RNFT2: variants seen among roughly 807,000 people sequenced by gnomAD.
RNFT2 encodes the protein ring finger protein, transmembrane 2.
RNFT2 carries 36 observed loss-of-function variants against 53.0 expected under a neutral mutation model. The observed-to-expected ratio is 0.68, with a 90% CI of 0.52 to 0.90. The LOEUF is 0.90. Ranked by LOEUF, RNFT2 falls within the 40% of genes least tolerant of loss-of-function variation. The pLI, the probability that RNFT2 is intolerant of heterozygous loss-of-function variation, is 0.00. For missense variants in RNFT2, 514 were observed against 585.6 expected, an observed-to-expected ratio of 0.88 and a Z score of 1.26; for synonymous variants, 260 against 253.2, an observed-to-expected ratio of 1.03 and a Z score of -0.26.
intron 7 of RNFT2, among the ~76,000 whole-genome samples, chr12:116,828,696 A>G (rs978903440): frequency 6.6e-6 from 1 of 152,092 alleles, no homozygotes; most frequent in South Asian, 2.1e-4. Context: ...AGGGAGGGGC[A>G]GAGGAAAGGG....
rs7299953 is a variant in RNFT2 at position 116,796,501 on chromosome 12, A to G, written c.882+17153A>G. Among the ~76,000 whole-genome samples, 498 of 152,232 alleles carry G rather than the reference A, an allele frequency of 3.3e-3. 2 individuals carry two copies. The highest frequency in any genetic ancestry group is 0.011 in the African/African-American group (473 of 41,546). On this transcript the variant is annotated intron_variant, in intron 7 of 10. Transcript: ENST00000257575. ...TGAGATTCCATAGGCTCTCAATCCTATTGGTTTTTCTCTAAGCACAGGGAC... is the reference window on the plus strand; with the variant it reads ...TGAGATTCCATAGGCTCTCAATCCTGTTGGTTTTTCTCTAAGCACAGGGAC...
In RNFT2 at chr12:116,796,331, TC is replaced by T. The variant is rs1296220994; in HGVS notation, c.882+16984del. 7.2e-5 allele frequency among the ~76,000 whole-genome samples: 11 copies of T among 152,310 alleles called. No individual in the cohort carries two copies. In the East Asian group the frequency reaches 1.4e-3, roughly 19 times the overall value. On this transcript the variant is annotated intron_variant, in intron 7 of 10. Transcript: ENST00000257575. Reference sequence around the variant, plus strand: ...AAGGAAAGGCTTAGCTGAACTGATTTCTCTGAATAACACAGCATTTGACCAA... The same window carrying T: ...AAGGAAAGGCTTAGCTGAACTGATTTTCTGAATAACACAGCATTTGACCAA...
At chr12:116,789,427 GTGGATGGATGGTAGATGGATGGATGGA>G (rs1283677763) in intron 7 of RNFT2, among the ~76,000 whole-genome samples, 2 of 146,418 alleles carry the variant, frequency 1.4e-5, no homozygotes, top group Admixed American at 6.8e-5. Context: ...AGAGTGGTGG[GTGGATGGATGGTAGATGGATGGATGGA>G]TGGATGGATG....
At position 116,852,483 on chromosome 12, in the gene RNFT2, A is replaced by C. The variant is rs1468168447; in HGVS notation, c.*3035A>C. 2 of 1,478,298 alleles carry C rather than the reference A, an allele frequency of 1.4e-6. No individual in the cohort carries two copies. 91.6% of individuals were successfully genotyped at this position (1,478,298 alleles called of 1,614,324 possible). A position where few individuals can be genotyped will look rare whatever the true frequency, so the allele number is the denominator to read the frequency against. On this transcript the variant is annotated 3_prime_UTR_variant, in exon 11 of 11. Transcript: ENST00000257575. Reference sequence around the variant, plus strand: ...CTCCGTTACTATGGCGATGGCCATGATGTTACAATCCCACTTGCCTGAATA... The same window carrying C: ...CTCCGTTACTATGGCGATGGCCATGCTGTTACAATCCCACTTGCCTGAATA...
intron 7 of RNFT2, among the ~76,000 whole-genome samples, chr12:116,811,132 G>A (rs568670682): frequency 8.5e-5 from 13 of 152,206 alleles, no homozygotes; most frequent in African/African-American, 2.9e-4. Flanking sequence ...GATGGCTCAC[G>A]CTACTCGGAA....
At position 116,751,273 on chromosome 12, in the gene RNFT2, T is replaced by G. The variant is rs534564530; in HGVS notation, c.550+966T>G. 2.6e-5 allele frequency among the ~76,000 whole-genome samples: 4 copies of G among 152,154 alleles called. No homozygotes were observed. The South Asian group carries it at 8.3e-4, about 32-fold the overall frequency. Reference sequence around the variant, plus strand: ...TTAACATAGAGCCTGAATTGAAATATTCAACACAGCAAATGATGAATAAAT... The same window carrying G: ...TTAACATAGAGCCTGAATTGAAATAGTCAACACAGCAAATGATGAATAAAT... On this transcript the variant is annotated intron_variant, in intron 4 of 10. Transcript: ENST00000257575.
chr12:116,753,148 C>CTTTTTTTTTTTTTTTTTTT lies in RNFT2; in HGVS notation c.551-834_551-816dup, dbSNP rs11377177. Among the ~76,000 whole-genome samples the CTTTTTTTTTTTTTTTTTTT allele has an allele frequency of 2.8e-4, 26 of 93,690 alleles. 1 individual carries two copies. The highest frequency in any genetic ancestry group is 7.5e-4 in the African/African-American group (17 of 22,728). The allele number at this position is 93,690 out of a possible 152,430, so 61.5% of individuals were successfully genotyped here. ...TTTTTTCTTTTTCTTTTTTCTTTTT[C>CTTTTTTTTTTTTTTTTTTT]TTTTTTTTTTTTTTTTTTTTGAGAC... On this transcript the variant is annotated intron_variant, in intron 4 of 10. Coordinates refer to ENST00000257575, the MANE Select transcript of RNFT2 (RefSeq NM_001382266.1).
chr12:116,775,956 T>G (rs1314195219), intron 6 of RNFT2, among the ~76,000 whole-genome samples: 1 of 152,046 alleles, frequency 6.6e-6, no homozygotes, highest in African/African-American at 2.4e-5. Flanking sequence ...GGCAGAAGAA[T>G]TGCTTGAAGC....
At chr12:116,742,235 T>C (rs968291194) in intron 3 of RNFT2, among the ~76,000 whole-genome samples, 4 of 151,358 alleles carry the variant, frequency 2.6e-5, no homozygotes, top group Admixed American at 2.0e-4. Flanking sequence ...TTGAATCATG[T>C]TGGTGGGCTC....
chr12:116,852,183 G>A lies in RNFT2; in HGVS notation c.*2735G>A. The A allele has an allele frequency of 8.3e-7, 1 of 1,197,734 alleles. No individual in the cohort carries two copies. The highest frequency in any genetic ancestry group is 1.1e-6 in the Non-Finnish European group (1 of 915,512). 74.2% of individuals were successfully genotyped at this position (1,197,734 alleles called of 1,614,324 possible). On this transcript the variant is annotated 3_prime_UTR_variant, in exon 11 of 11. Transcript: ENST00000257575. ...GTCTGTTCTCTTATTGTCAACCTCA[G>A]CACAACAGGCTGGCGCCAATGGCAT...
In RNFT2 at chr12:116,750,030, G is replaced by T. The variant is rs1872103296; in HGVS notation, c.273G>T (p.Met91Ile). ...SAGGGDVFIQMPASREEGGGR... is the reference protein window; with the variant it reads ...SAGGGDVFIQIPASREEGGGR... ...GCGGCGGGGACGTGTTCATCCAGATGCCCGCGTCCAGGGAGGAAGGAGGGG... is the reference window on the plus strand; with the variant it reads ...GCGGCGGGGACGTGTTCATCCAGATTCCCGCGTCCAGGGAGGAAGGAGGGG... Residue 91 changes from methionine (M) to isoleucine (I), a missense_variant, in exon 4 of 11, where the codon ATG becomes ATT. Physicochemically the swap from Met to Ile is conservative, Grantham distance 10 (BLOSUM62 1). Coordinates refer to ENST00000257575, the MANE Select transcript of RNFT2 (RefSeq NM_001382266.1). 1 of 1,552,636 alleles carries T rather than the reference G, an allele frequency of 6.4e-7. No individual in the cohort carries two copies. Among genetic ancestry groups the T allele is most frequent in the Non-Finnish European group, 8.7e-7 (1 of 1,149,092 alleles).
At position 116,750,124 on chromosome 12, in the gene RNFT2, G is replaced by C. The variant is rs919396182; in HGVS notation, c.367G>C (p.Gly123Arg). The change falls in exon 4 of 11, where the codon GGG becomes CGG. Residue 123 changes from glycine (G) to arginine (R), a missense_variant. By Grantham distance (125) the Gly-to-Arg change is moderately radical. This residue lies in a region of RNFT2 where 237 missense variants were observed against 235.1 expected (regional missense o/e 1.01). Coordinates refer to ENST00000257575, the MANE Select transcript of RNFT2 (RefSeq NM_001382266.1). ...HHHFHHGGHR[G>R]GSLLQHVGGD... ...CCATTTCCACCATGGCGGCCACCGC[G>C]GGGGCTCCCTGCTGCAGCACGTGGG... 1.3e-6 allele frequency: 2 copies of C among 1,573,034 alleles called. No homozygotes were observed. Among genetic ancestry groups the C allele is most frequent in the Non-Finnish European group, 1.7e-6 (2 of 1,165,934 alleles).
At chr12:116,755,317 T>C (rs1872452193) in intron 5 of RNFT2, 2 of 680,022 alleles carry the variant, frequency 2.9e-6, no homozygotes, top group South Asian at 3.3e-5. Flanking sequence ...GGGTTCTCTA[T>C]TCTGTTCCAT....
At chr12:116,840,222 C>T (rs994185533) in intron 10 of RNFT2, among the ~76,000 whole-genome samples, 3 of 152,332 alleles carry the variant, frequency 2.0e-5, no homozygotes, top group South Asian at 2.1e-4. Flanking sequence ...CTGTTGATTT[C>T]GTGCTTACAA....
intron 6 of RNFT2, among the ~76,000 whole-genome samples, chr12:116,769,174 A>G (rs1268711264): frequency 6.6e-6 from 1 of 152,112 alleles, no homozygotes; most frequent in Non-Finnish European, 1.5e-5. Context: ...CCTGGCCAAG[A>G]TAGTGAAACC....
intron 7 of RNFT2, among the ~76,000 whole-genome samples, chr12:116,813,999 C>T (rs1247271134): frequency 6.6e-6 from 1 of 152,150 alleles, no homozygotes; most frequent in Non-Finnish European, 1.5e-5. Context: ...TTAGTAAGTG[C>T]TAGGCTCGAT....
chr12:116,849,838 T>TCCG lies in RNFT2; in HGVS notation c.*390_*391insCCG. On this transcript the variant is annotated 3_prime_UTR_variant, in exon 11 of 11. Coordinates refer to ENST00000257575, the MANE Select transcript of RNFT2 (RefSeq NM_001382266.1). ...TTTCCCTCCCTCCCTCCTTCCTTCCTTCCTTCCTTTTTTTTTTTTTTTTAA... is the reference window on the plus strand; with the variant it reads ...TTTCCCTCCCTCCCTCCTTCCTTCCTCCGTCCTTCCTTTTTTTTTTTTTTTTAA... The TCCG allele has an allele frequency of 5.7e-6, 1 of 174,208 alleles. No individual in the cohort carries two copies. Among genetic ancestry groups the TCCG allele is most frequent in the Non-Finnish European group, 7.5e-6 (1 of 133,836 alleles). 10.8% of individuals were successfully genotyped at this position (174,208 alleles called of 1,614,324 possible).
chr12:116,783,426 C>G, intron 7 of RNFT2, among the ~76,000 whole-genome samples: 1 of 152,200 alleles, frequency 6.6e-6, no homozygotes, highest in African/African-American at 2.4e-5. Context: ...CAGGTCTGGC[C>G]AGTGAAGGTC....
At chr12:116,832,169 A>ATC (rs1373661796) in intron 7 of RNFT2, among the ~76,000 whole-genome samples, 3 of 142,926 alleles carry the variant, frequency 2.1e-5, no homozygotes, top group Non-Finnish European at 3.0e-5. Context: ...ATATATATAT[A>ATC]TCTTTCTATC....
Sources: allele counts gnomAD v4.1 joint callset (sites outside exome capture counted in the v4.1 genomes callset), GRCh38; gene constraint gnomAD v4.1.1; regional missense constraint gnomAD v4.1.1; transcripts MANE v1.5; gene names NCBI Gene and HGNC (gene_info 2026-07-23, HGNC 2026-07-21).